ADD3: variants seen among roughly 807,000 people sequenced by gnomAD.
The protein encoded by ADD3 is gamma-adducin.
In ADD3, 25 loss-of-function variants were observed where a neutral mutation model predicts 80.2. The ratio of observed to expected loss-of-function variants is 0.31; its 90% CI spans 0.23 to 0.44. ADD3 has a LOEUF of 0.44. Ranked by LOEUF, ADD3 falls within the 20% of genes least tolerant of loss-of-function variation. The pLI is 1.00. For missense variants in ADD3, 829 were observed against 847.5 expected (o/e 0.98, Z 0.27); for synonymous variants, 284 against 289.6 (o/e 0.98, Z 0.20).
intron 1 of ADD3, among the ~76,000 whole-genome samples, chr10:110,059,255 TGAA>T (rs1858580501): frequency 6.6e-6 from 1 of 152,174 alleles, no homozygotes; most frequent in Non-Finnish European, 1.5e-5. Flanking sequence ...TTGAATCACT[TGAA>T]GTCAGGAGTT....
rs1852807536 is a variant in ADD3 at position 110,130,413 on chromosome 10, A to G, written c.1659A>G (p.Pro553=). The change falls in exon 13 of 15, where the codon CCA becomes CCG. Residue 553 remains proline, a synonymous_variant. Transcript: ENST00000356080. ...DDHGPPAPPN[P]FSHLTEGELE... is the part of the protein sequence containing the mutation. ...ATGGCCCACCAGCTCCTCCTAACCC[A>G]TTTAGTCATCTCACAGAAGGAGAAC... 6 of 1,614,186 alleles carry G rather than the reference A, an allele frequency of 3.7e-6. No individual in the cohort carries two copies. The highest frequency in any genetic ancestry group is 4.2e-6 in the Non-Finnish European group (5 of 1,180,004).
chr10:110,091,552 A>C (rs1392048204), intron 1 of ADD3, among the ~76,000 whole-genome samples: 3 of 152,172 alleles, frequency 2.0e-5, no homozygotes, highest in Admixed American at 6.5e-5. Context: ...CTATTCAATA[A>C]ATGGTGCTGG....
At chr10:110,027,051 C>T (rs1854399791) in intron 1 of ADD3, among the ~76,000 whole-genome samples, 1 of 151,928 alleles carries the variant, frequency 6.6e-6, no homozygotes, top group Non-Finnish European at 1.5e-5. Context: ...TTGCATAATT[C>T]TTAAACAGTA....
At position 110,125,849 on chromosome 10, in the gene ADD3, TA is replaced by T; in HGVS notation, c.1428del (p.Val477LeufsTer18). 1 of 1,605,976 alleles carries T rather than the reference TA, an allele frequency of 6.2e-7. No homozygotes were observed. The highest frequency in any genetic ancestry group is 1.1e-5 in the South Asian group (1 of 90,072). ...AGTGGATGAAAGCAGAAGACTCATCTAAAGTTAGTGGTGGAACACCTATCAA... is the reference window on the plus strand; with the variant it reads ...AGTGGATGAAAGCAGAAGACTCATCTAAGTTAGTGGTGGAACACCTATCAA... ...ITWMKAEDSS[K>X]VSGGTPIKIE... On this transcript the variant is annotated frameshift_variant, in exon 11 of 15. Coordinates refer to ENST00000356080, the MANE Select transcript of ADD3 (RefSeq NM_016824.5). LOFTEE classifies it high-confidence loss of function.
At chr10:110,060,567 C>T (rs755359770) in intron 1 of ADD3, among the ~76,000 whole-genome samples, 6 of 152,212 alleles carry the variant, frequency 3.9e-5, no homozygotes, top group Non-Finnish European at 7.3e-5. Context: ...CCATTTTATT[C>T]TCTCTCAAAG....
chr10:109,998,247 T>C (rs1206075191), intron 1 of ADD3, among the ~76,000 whole-genome samples: 2 of 152,214 alleles, frequency 1.3e-5, no homozygotes, highest in Non-Finnish European at 2.9e-5. Flanking sequence ...CTGTCTCAGG[T>C]AATGGTACTA....
intron 2 of ADD3, among the ~76,000 whole-genome samples, chr10:110,106,709 C>T (rs1400472876): frequency 6.6e-6 from 1 of 151,908 alleles, no homozygotes; most frequent in Non-Finnish European, 1.5e-5. Context: ...TTTTGCTTTT[C>T]ACCTAGTGAT....
intron 1 of ADD3, among the ~76,000 whole-genome samples, chr10:110,021,672 G>A (rs775674274): frequency 1.3e-5 from 2 of 152,142 alleles, no homozygotes; most frequent in Admixed American, 6.5e-5. Context: ...TATAGAGACA[G>A]AAGGGAGATT....
At chr10:110,074,703 ATAC>A (rs1369918309) in intron 1 of ADD3, among the ~76,000 whole-genome samples, 1 of 152,162 alleles carries the variant, frequency 6.6e-6, no homozygotes, top group Non-Finnish European at 1.5e-5. Flanking sequence ...TGTACTGAAA[ATAC>A]AATATGACAG....
intron 2 of ADD3, among the ~76,000 whole-genome samples, chr10:110,108,949 C>T (rs7918588): frequency 0.13 from 19,949 of 152,132 alleles, 4,204 homozygotes; most frequent in African/African-American, 0.44. Flanking sequence ...TTCCCTCTTA[C>T]TCTTAATTTG....
At chr10:109,997,017 A>G (rs1427679050) in intron 1 of ADD3, among the ~76,000 whole-genome samples, 1 of 152,220 alleles carries the variant, frequency 6.6e-6, no homozygotes. Flanking sequence ...GCCATAGATT[A>G]TATTTCAAGC....
chr10:110,124,887 A>T (rs566198409), intron 10 of ADD3, among the ~76,000 whole-genome samples: 1 of 152,288 alleles, frequency 6.6e-6, no homozygotes, highest in Non-Finnish European at 1.5e-5. Context: ...GCAGCTCAAC[A>T]CAAATTTGTA....
At chr10:110,014,917 A>T (rs1372042321) in intron 1 of ADD3, among the ~76,000 whole-genome samples, 1 of 151,980 alleles carries the variant, frequency 6.6e-6, no homozygotes, top group Non-Finnish European at 1.5e-5. Context: ...CACTGTTGCC[A>T]GGCTGGAGTG....
At chr10:110,083,370 G>A (rs910099989) in intron 1 of ADD3, among the ~76,000 whole-genome samples, 1 of 152,120 alleles carries the variant, frequency 6.6e-6, no homozygotes, top group Non-Finnish European at 1.5e-5. Flanking sequence ...CAAAAAATTA[G>A]CCGGGCATAG....
At chr10:110,020,237 T>C (rs537312033) in intron 1 of ADD3, among the ~76,000 whole-genome samples, 1 of 152,344 alleles carries the variant, frequency 6.6e-6, no homozygotes, top group South Asian at 2.1e-4. Context: ...TTCTAAGTGC[T>C]GAGAATTTGG....
chr10:110,042,872 A>C (rs1856530704), intron 1 of ADD3, among the ~76,000 whole-genome samples: 1 of 152,192 alleles, frequency 6.6e-6, no homozygotes, highest in African/African-American at 2.4e-5. Flanking sequence ...TACCAAGATA[A>C]TTTAAATTAA....
At chr10:110,026,762 T>C (rs1409600961) in intron 1 of ADD3, among the ~76,000 whole-genome samples, 2 of 151,314 alleles carry the variant, frequency 1.3e-5, no homozygotes, top group Non-Finnish European at 2.9e-5. Flanking sequence ...ATATTTCTTT[T>C]AAGTTAATGA....
At chr10:110,016,117 C>T (rs1036843765) in intron 1 of ADD3, among the ~76,000 whole-genome samples, 1 of 152,278 alleles carries the variant, frequency 6.6e-6, no homozygotes, top group Non-Finnish European at 1.5e-5. Context: ...GAAGAGAGAA[C>T]CCCTGCTTTG....
intron 1 of ADD3, among the ~76,000 whole-genome samples, chr10:110,082,817 C>CT (rs1458580526): frequency 6.6e-6 from 1 of 152,178 alleles, no homozygotes; most frequent in Non-Finnish European, 1.5e-5. Context: ...TATCTTCACA[C>CT]TTTTTTTGTG....
Sources: gnomAD v4.1 joint callset for allele counts (sites outside exome capture counted in the v4.1 genomes callset) on GRCh38, gnomAD v4.1.1 for gene constraint, MANE v1.5 for transcripts, NCBI Gene and HGNC (gene_info 2026-07-23, HGNC 2026-07-21) for gene names.